Variants in LRMDA observed in about 807,000 individuals in gnomAD.
LRMDA encodes leucine rich melanocyte differentiation associated.
In LRMDA, 18 loss-of-function variants were observed where a neutral mutation model predicts 29.8. The observed-to-expected ratio is 0.60, with a 90% CI of 0.42 to 0.90. The LOEUF (loss-of-function observed/expected upper bound fraction) is 0.90. LRMDA is among the 40% of genes least tolerant of loss of function. LRMDA has a pLI of 0.00. For synonymous variants in LRMDA, 125 were observed against 109.4 expected (o/e 1.14, Z -0.89); for missense variants, 273 against 273.9 (o/e 1.00, Z 0.02).
At chr10:75,437,175 T>C (rs1338010081) in intron 1 of LRMDA, among the ~76,000 whole-genome samples, 1 of 152,194 alleles carries the variant, frequency 6.6e-6, no homozygotes, top group African/African-American at 2.4e-5. Context: ...CAGGGTTCAG[T>C]GCAGCTTGTA....
rs73281446 is a variant in LRMDA at position 75,980,373 on chromosome 10, C to G, written c.132-55635C>G. ...CCCTGTGTCTGGCAGATGGAGAGCA[C>G]GCAGTCAATACTGTTGAATACATGA... On this transcript the variant is annotated intron_variant, in intron 2 of 6. Transcript: ENST00000611255. 9.6e-3 allele frequency among the ~76,000 whole-genome samples: 1,469 copies of G among 152,288 alleles called. 33 individuals are homozygous for G. The highest frequency in any genetic ancestry group is 0.033 in the African/African-American group (1,389 of 41,552).
At chr10:75,708,986 C>T (rs1417393014) in intron 2 of LRMDA, among the ~76,000 whole-genome samples, 3 of 152,172 alleles carry the variant, frequency 2.0e-5, no homozygotes, top group Non-Finnish European at 4.4e-5. Flanking sequence ...GTTGCTGCCT[C>T]TTTTTTCCTG....
At chr10:75,838,187 T>C (rs1844475590) in intron 2 of LRMDA, among the ~76,000 whole-genome samples, 1 of 152,212 alleles carries the variant, frequency 6.6e-6, no homozygotes, top group African/African-American at 2.4e-5. Context: ...ACTGGTGATA[T>C]ATGAGCGTGG....
chr10:76,040,742 G>A (rs189160676), intron 3 of LRMDA, among the ~76,000 whole-genome samples: 18 of 152,232 alleles, frequency 1.2e-4, no homozygotes, highest in East Asian at 3.9e-4. Flanking sequence ...TAACCTTTGC[G>A]CAATCAAATG....
chr10:75,807,343 G>C (rs530366025), intron 2 of LRMDA, among the ~76,000 whole-genome samples: 25 of 152,332 alleles, frequency 1.6e-4, no homozygotes, highest in Admixed American at 7.8e-4. Flanking sequence ...ACAGGGCATG[G>C]GCCTGGGCAG....
chr10:75,724,822 G>A (rs972611265), intron 2 of LRMDA, among the ~76,000 whole-genome samples: 5 of 152,198 alleles, frequency 3.3e-5, no homozygotes. Context: ...CCACAAGATG[G>A]ACAAGTGTGA....
chr10:76,085,975 C>T (rs976942450), intron 5 of LRMDA, among the ~76,000 whole-genome samples: 8 of 152,192 alleles, frequency 5.3e-5, no homozygotes, highest in Non-Finnish European at 1.0e-4. Flanking sequence ...CTCCTCCCAC[C>T]TCCTCCTTCT....
At chr10:75,917,637 A>G (rs541429445) in intron 2 of LRMDA, among the ~76,000 whole-genome samples, 58 of 152,328 alleles carry the variant, frequency 3.8e-4, no homozygotes, top group African/African-American at 1.4e-3. Flanking sequence ...GTGCAGGGTG[A>G]TAAGAAAGAG....
At chr10:75,690,729 G>A (rs1842134160) in intron 2 of LRMDA, among the ~76,000 whole-genome samples, 1 of 152,012 alleles carries the variant, frequency 6.6e-6, no homozygotes, top group Admixed American at 6.6e-5. Flanking sequence ...AAACTGAGGA[G>A]GGAGGATCGC....
intron 2 of LRMDA, among the ~76,000 whole-genome samples, chr10:75,690,951 G>C (rs1251012718): frequency 1.4e-5 from 2 of 143,658 alleles, no homozygotes; most frequent in East Asian, 4.1e-4. Context: ...TTGTGCAACA[G>C]AGCAAGACCC....
At chr10:76,324,074 G>C (rs1449776161) in intron 5 of LRMDA, among the ~76,000 whole-genome samples, 1 of 152,150 alleles carries the variant, frequency 6.6e-6, no homozygotes. Flanking sequence ...GAATTACTGG[G>C]TGAAGGCCTG....
chr10:75,711,228 A>G (rs905241773), intron 2 of LRMDA, among the ~76,000 whole-genome samples: 2 of 152,166 alleles, frequency 1.3e-5, no homozygotes, highest in Non-Finnish European at 2.9e-5. Context: ...CTGTTGGACA[A>G]GGAGTTGGAA....
chr10:75,963,510 C>T (rs1392012494), intron 2 of LRMDA, among the ~76,000 whole-genome samples: 2 of 152,166 alleles, frequency 1.3e-5, no homozygotes, highest in East Asian at 3.9e-4. Flanking sequence ...ATACAATAAC[C>T]AGGGGTCCTT....
At chr10:76,373,434 T>C (rs1841478774) in intron 6 of LRMDA, among the ~76,000 whole-genome samples, 1 of 152,136 alleles carries the variant, frequency 6.6e-6, no homozygotes, top group South Asian at 2.1e-4. Context: ...TTGATTATTA[T>C]GATACAACTC....
At chr10:75,852,841 A>G (rs981359587) in intron 2 of LRMDA, among the ~76,000 whole-genome samples, 1 of 152,006 alleles carries the variant, frequency 6.6e-6, no homozygotes, top group Non-Finnish European at 1.5e-5. Flanking sequence ...GGGTTGTATT[A>G]GTCCGTTCTC....
intron 5 of LRMDA, among the ~76,000 whole-genome samples, chr10:76,221,656 G>A (rs1166276086): frequency 6.6e-6 from 1 of 152,170 alleles, no homozygotes; most frequent in African/African-American, 2.4e-5. Context: ...ATGCTCATGG[G>A]TAGGAAGAAT....
chr10:76,287,895 C>A (rs1840292088), intron 5 of LRMDA, among the ~76,000 whole-genome samples: 1 of 152,168 alleles, frequency 6.6e-6, no homozygotes, highest in Admixed American at 6.5e-5. Context: ...GTTTGGGATT[C>A]ATTTTGCATT....
intron 5 of LRMDA, among the ~76,000 whole-genome samples, chr10:76,288,804 C>T (rs552355986): frequency 1.3e-5 from 2 of 152,258 alleles, no homozygotes; most frequent in African/African-American, 4.8e-5. Context: ...GGAAGAGATT[C>T]TTGGAAAATT....
At chr10:76,021,449 C>T (rs1243635112) in intron 2 of LRMDA, among the ~76,000 whole-genome samples, 1 of 152,220 alleles carries the variant, frequency 6.6e-6, no homozygotes, top group African/African-American at 2.4e-5. Context: ...TTGTCAAAAG[C>T]ATCAGGCTCA....
Sources: allele counts gnomAD v4.1 joint callset (sites outside exome capture counted in the v4.1 genomes callset), GRCh38; gene constraint gnomAD v4.1.1; transcripts MANE v1.5; gene names NCBI Gene and HGNC (gene_info 2026-07-23, HGNC 2026-07-21).